MAST4: variants seen among roughly 807,000 people sequenced by gnomAD.
MAST4 encodes microtubule associated serine/threonine kinase family member 4.
MAST4 carries 89 observed loss-of-function variants against 162.7 expected under a neutral mutation model. The ratio of observed to expected loss-of-function variants is 0.55; its 90% CI spans 0.46 to 0.65. The LOEUF is 0.65. Among genes scored for constraint, MAST4 ranks in the 30% least tolerant of loss-of-function variants. The pLI, the probability that MAST4 is intolerant of heterozygous loss-of-function variation, is 0.00. For missense variants in MAST4, 3,153 were observed against 3,374.0 expected, an observed-to-expected ratio of 0.93 and a Z score of 1.62; for synonymous variants, 1,479 against 1,361.1, an observed-to-expected ratio of 1.09 and a Z score of -1.91.
At chr5:67,111,469 G>T (rs1200859547) in intron 11 of MAST4, among the ~76,000 whole-genome samples, 1 of 151,896 alleles carries the variant, frequency 6.6e-6, no homozygotes, top group Non-Finnish European at 1.5e-5. Flanking sequence ...TCTATCAATG[G>T]TGAGGACCCT....
intron 5 of MAST4, among the ~76,000 whole-genome samples, chr5:67,072,347 A>G (rs1015753825): frequency 9.9e-5 from 15 of 152,234 alleles, no homozygotes; most frequent in Non-Finnish European, 1.6e-4. Context: ...AGCCCTTGAT[A>G]AAATTAAACA....
chr5:67,031,403 C>A (rs1228749774), intron 4 of MAST4, among the ~76,000 whole-genome samples: 2 of 152,096 alleles, frequency 1.3e-5, no homozygotes, highest in Non-Finnish European at 2.9e-5. Flanking sequence ...ATCATTCATG[C>A]AGTGAACTTT....
intron 16 of MAST4, 77 bp downstream of exon 16, chr5:67,132,028 T>C: frequency 1.4e-6 from 2 of 1,457,828 alleles, no homozygotes; most frequent in South Asian, 1.3e-5. Flanking sequence ...TGTTTTCTTT[T>C]AGTCAATGTA....
At chr5:66,834,710 T>C (rs1003740478) in intron 3 of MAST4, among the ~76,000 whole-genome samples, 5 of 152,194 alleles carry the variant, frequency 3.3e-5, no homozygotes, top group African/African-American at 1.2e-4. Flanking sequence ...TGAAAAGCCA[T>C]GGCCCCCAGC....
intron 1 of MAST4, among the ~76,000 whole-genome samples, chr5:66,670,129 A>T (rs894687439): frequency 6.6e-6 from 1 of 152,126 alleles, no homozygotes; most frequent in Admixed American, 6.5e-5. Flanking sequence ...GCCTGGTTAT[A>T]ATTTTTGTGA....
Position 67,168,953 on chromosome 5 carries a change from T to C in MAST4, c.*1902T>C, listed in dbSNP as rs1238153495. 2 of 152,176 alleles carry C rather than the reference T, an allele frequency of 1.3e-5. No homozygotes were observed. The highest frequency in any genetic ancestry group is 2.4e-5 in the African/African-American group (1 of 41,444). The allele number at this position is 152,176 out of a possible 1,614,324, so 9.4% of individuals were successfully genotyped here. A position where few individuals can be genotyped will look rare whatever the true frequency, so the allele number is the denominator to read the frequency against. On this transcript the variant is annotated 3_prime_UTR_variant, in exon 29 of 29. Coordinates refer to ENST00000403625, the MANE Select transcript of MAST4 (RefSeq NM_001164664.2). ...CTCCTCCTTGCCCCTAATTTTTTTT[T>C]CCCATATGGTTTTAGCCATTCCCCA...
chr5:67,042,198 C>T (rs1756829536), intron 4 of MAST4, among the ~76,000 whole-genome samples: 1 of 152,174 alleles, frequency 6.6e-6, no homozygotes, highest in Middle Eastern at 3.2e-3. Context: ...GCCACTTAAC[C>T]TCCCTTCTTA....
intron 1 of MAST4, among the ~76,000 whole-genome samples, chr5:66,705,087 G>A (rs1386786522): frequency 1.3e-5 from 2 of 152,156 alleles, no homozygotes; most frequent in Non-Finnish European, 2.9e-5. Flanking sequence ...CTAGTTTTTG[G>A]ATGGAAATTC....
At chr5:66,908,562 G>C (rs1249283536) in intron 4 of MAST4, among the ~76,000 whole-genome samples, 1 of 152,122 alleles carries the variant, frequency 6.6e-6, no homozygotes, top group Non-Finnish European at 1.5e-5. Flanking sequence ...TGTGCTTTTG[G>C]ATAGCTAAAA....
chr5:66,905,511 A>T (rs1442520459), intron 4 of MAST4, among the ~76,000 whole-genome samples: 1 of 152,194 alleles, frequency 6.6e-6, no homozygotes, highest in Non-Finnish European at 1.5e-5. Context: ...AGCTGGTAAC[A>T]GTATTCCTCA....
chr5:66,707,241 C>A (rs1436881513), intron 1 of MAST4, among the ~76,000 whole-genome samples: 1 of 152,174 alleles, frequency 6.6e-6, no homozygotes, highest in Non-Finnish European at 1.5e-5. Flanking sequence ...AGAAATACGT[C>A]ACAAACGGGC....
At chr5:66,755,348 G>A (rs1388852268) in intron 1 of MAST4, among the ~76,000 whole-genome samples, 3 of 152,214 alleles carry the variant, frequency 2.0e-5, no homozygotes, top group Non-Finnish European at 4.4e-5. Flanking sequence ...CTGCTTATAT[G>A]ACCACTGTTA....
chr5:66,745,407 G>C (rs1284269705), intron 1 of MAST4, among the ~76,000 whole-genome samples: 1 of 152,138 alleles, frequency 6.6e-6, no homozygotes, highest in Non-Finnish European at 1.5e-5. Flanking sequence ...CTCTTAGAAC[G>C]TGGTGGATGG....
chr5:66,792,026 G>A lies in MAST4; in HGVS notation c.642+3232G>A, dbSNP rs563380419. Among the ~76,000 whole-genome samples the A allele has an allele frequency of 1.1e-4, 16 of 152,234 alleles. 1 individual carries two copies. Among genetic ancestry groups the A allele is most frequent in the Admixed American group, 9.8e-4 (15 of 15,294 alleles). Reference sequence around the variant, plus strand: ...ACTTGTCGAACCACACAGCTAAAGGGGCATTAAAGTTGATCTGTTTCGTGT... The same window carrying A: ...ACTTGTCGAACCACACAGCTAAAGGAGCATTAAAGTTGATCTGTTTCGTGT... On this transcript the variant is annotated intron_variant, in intron 3 of 28. Coordinates refer to ENST00000403625, the MANE Select transcript of MAST4 (RefSeq NM_001164664.2).
At chr5:66,923,475 G>T (rs1013707335) in intron 4 of MAST4, among the ~76,000 whole-genome samples, 1 of 152,188 alleles carries the variant, frequency 6.6e-6, no homozygotes, top group Non-Finnish European at 1.5e-5. Flanking sequence ...TGAGAGAATT[G>T]CCACAAAACA....
intron 4 of MAST4, among the ~76,000 whole-genome samples, chr5:66,904,335 A>G (rs905848432): frequency 6.6e-6 from 1 of 152,104 alleles, no homozygotes; most frequent in Non-Finnish European, 1.5e-5. Flanking sequence ...TTCTTTTTTC[A>G]TGGAATTCCC....
chr5:66,843,116 G>A (rs373661447), intron 3 of MAST4, among the ~76,000 whole-genome samples: 1 of 152,024 alleles, frequency 6.6e-6, no homozygotes, highest in African/African-American at 2.4e-5. Context: ...AATGGGGAAC[G>A]ATTCAAAACC....
rs6881610 is a variant in MAST4, at chr5:66,908,956, T to C, written c.674+8974T>C. Among the ~76,000 whole-genome samples, 832 of 152,352 alleles carry C rather than the reference T, an allele frequency of 5.5e-3. 7 individuals carry two copies. The highest frequency in any genetic ancestry group is 0.019 in the African/African-American group (793 of 41,580). On this transcript the variant is annotated intron_variant, in intron 4 of 28. Transcript: ENST00000403625. ...ATTAAATTAATATTTGTAAAGTGTT[T>C]ATGACAGTACCTGGCATACAATAAG...
At position 67,145,168 on chromosome 5, in the gene MAST4, T is replaced by C. The variant is rs377248598; in HGVS notation, c.2883T>C (p.Ser961=). ...GGCAACAGCTATCAACATCCAACTC[T>C]TCAGATACTGAAAGCAACAGACATA... ...SEMQQLSTSN[S]SDTESNRHKL... Residue 961 remains serine, a synonymous_variant, in exon 23 of 29, where the codon TCT becomes TCC. Transcript: ENST00000403625. The C allele has an allele frequency of 5.5e-5, 88 of 1,611,572 alleles. No individual in the cohort carries two copies. Among genetic ancestry groups the C allele is most frequent in the Non-Finnish European group, 6.8e-5 (80 of 1,178,840 alleles).
Sources: gnomAD v4.1 joint callset for allele counts (sites outside exome capture counted in the v4.1 genomes callset) on GRCh38, gnomAD v4.1.1 for gene constraint, MANE v1.5 for transcripts, NCBI Gene and HGNC (gene_info 2026-07-23, HGNC 2026-07-21) for gene names.